The following LRRC7 variants were observed in gnomAD, a reference collection of about 807,000 sequenced individuals.
LRRC7 encodes the protein leucine-rich repeat-containing protein 7.
A neutral mutation model predicts 175.7 loss-of-function variants in LRRC7; 23 were observed. The ratio of observed to expected loss-of-function variants is 0.13; its 90% CI spans 0.09 to 0.19. The LOEUF (loss-of-function observed/expected upper bound fraction) is 0.19. LRRC7 is among the 10% of genes least tolerant of loss of function. LRRC7 has a pLI of 1.00. For synonymous variants in LRRC7, 685 were observed against 680.9 expected (o/e 1.01, Z -0.09); for missense variants, 1,354 against 1,904.7 (o/e 0.71, Z 5.38).
At chr1:69,904,916 G>A (rs533308471) in intron 7 of LRRC7, among the ~76,000 whole-genome samples, 1 of 152,228 alleles carries the variant, frequency 6.6e-6, no homozygotes, top group Non-Finnish European at 1.5e-5. Flanking sequence ...CTGAGAATAT[G>A]CGGTATTTGG....
chr1:69,916,530 T>C (rs553377072), intron 7 of LRRC7, among the ~76,000 whole-genome samples: 3 of 151,976 alleles, frequency 2.0e-5, no homozygotes, highest in African/African-American at 7.2e-5. Context: ...CGTATCCTCA[T>C]TATAGTATTC....
chr1:69,702,240 A>C (rs1269724790), intron 2 of LRRC7, among the ~76,000 whole-genome samples: 1 of 152,202 alleles, frequency 6.6e-6, no homozygotes, highest in Non-Finnish European at 1.5e-5. Context: ...TTTCACCTAT[A>C]GTATTTGACA....
Position 70,139,273 on chromosome 1 carries a change from A to G in LRRC7, c.*17386A>G, listed in dbSNP as rs1413793563. The G allele has an allele frequency of 6.6e-6, 1 of 152,214 alleles. No individual in the cohort carries two copies. Among genetic ancestry groups the G allele is most frequent in the Non-Finnish European group, 1.5e-5 (1 of 68,020 alleles). 9.4% of individuals were successfully genotyped at this position (152,214 alleles called of 1,614,324 possible). A position where few individuals can be genotyped will look rare whatever the true frequency, so the allele number is the denominator to read the frequency against. ...TCAGAATTAAGTACTCTTGGGATAA[A>G]GGAAATTAACGAGCTTTTGACATTT... is the stretch of plus-strand genomic sequence containing the variant. On this transcript the variant is annotated 3_prime_UTR_variant, in exon 27 of 27. Coordinates refer to ENST00000651989, the MANE Select transcript of LRRC7 (RefSeq NM_001370785.2).
rs1313818449 is a variant in LRRC7 at position 70,142,124 on chromosome 1, C to T, written c.*20237C>T. 2 of 152,030 alleles carry T rather than the reference C, an allele frequency of 1.3e-5. No homozygotes were observed. Among genetic ancestry groups the T allele is most frequent in the African/African-American group, 2.4e-5 (1 of 41,406 alleles). The allele number at this position is 152,030 out of a possible 1,614,324, so 9.4% of individuals were successfully genotyped here. On this transcript the variant is annotated 3_prime_UTR_variant, in exon 27 of 27. Coordinates refer to ENST00000651989, the MANE Select transcript of LRRC7 (RefSeq NM_001370785.2). ...CTCAGGCAGACAACATAAAGCAGCT[C>T]CCATATCTGCTAGAAAGGTCATTAA... is the stretch of plus-strand genomic sequence containing the variant.
intron 11 of LRRC7, among the ~76,000 whole-genome samples, chr1:70,003,370 C>T (rs2101932859): frequency 6.6e-6 from 1 of 152,314 alleles, no homozygotes; most frequent in African/African-American, 2.4e-5. Context: ...AAACTTACAA[C>T]ATCTACTCTT....
rs566341033 is a variant in LRRC7, at chr1:70,133,504, A to G, written c.*11617A>G. Among the ~76,000 whole-genome samples, 2 of 152,226 alleles carry G rather than the reference A, an allele frequency of 1.3e-5. No individual in the cohort carries two copies. The highest frequency in any genetic ancestry group is 2.1e-4 in the South Asian group (1 of 4,820). On this transcript the variant is annotated 3_prime_UTR_variant, in exon 27 of 27. Coordinates refer to ENST00000651989, the MANE Select transcript of LRRC7 (RefSeq NM_001370785.2). ...CCAAAGTGCTGGGATGGCCTTACACAGTCTGTTTTTATGCCCCTTGTGCTG... is the reference window on the plus strand; with the variant it reads ...CCAAAGTGCTGGGATGGCCTTACACGGTCTGTTTTTATGCCCCTTGTGCTG...
chr1:69,849,679 T>C (rs543642055), intron 7 of LRRC7, among the ~76,000 whole-genome samples: 2 of 152,116 alleles, frequency 1.3e-5, no homozygotes, highest in East Asian at 3.9e-4. Flanking sequence ...CAATAACATC[T>C]AAACCCCAAA....
rs1227876334 is a variant in LRRC7, at chr1:70,142,269, TG to T, written c.*20383del. The T allele has an allele frequency of 6.6e-6, 1 of 152,160 alleles. No homozygotes were observed. The highest frequency in any genetic ancestry group is 2.4e-5 in the African/African-American group (1 of 41,452). 9.4% of individuals were successfully genotyped at this position (152,160 alleles called of 1,614,324 possible). On this transcript the variant is annotated 3_prime_UTR_variant, in exon 27 of 27. Transcript: ENST00000651989. ...TCTGGTTCAGGTCAGTAAGGACTGT[TG>T]TATGTAAGTTTTACTCTAGAAAATT... is the stretch of plus-strand genomic sequence containing the variant.
intron 3 of LRRC7, among the ~76,000 whole-genome samples, chr1:69,765,092 T>C (rs1046460232): frequency 1.1e-4 from 16 of 152,194 alleles, no homozygotes; most frequent in African/African-American, 3.4e-4. Context: ...AACACATTTG[T>C]GATAATACCA....
At chr1:70,020,061 TTTTG>T (rs1397860699) in intron 15 of LRRC7, among the ~76,000 whole-genome samples, 2 of 151,986 alleles carry the variant, frequency 1.3e-5, no homozygotes, top group Non-Finnish European at 2.9e-5. Flanking sequence ...CTGAGTTTGC[TTTTG>T]TTTTTGTTTT....
chr1:70,106,605 C>T (rs1558073794), intron 25 of LRRC7, among the ~76,000 whole-genome samples: 3 of 152,120 alleles, frequency 2.0e-5, no homozygotes. Context: ...CTTTCAGTAG[C>T]ACCTGAAATT....
chr1:69,743,066 G>A (rs928389687), intron 2 of LRRC7, among the ~76,000 whole-genome samples: 5 of 152,010 alleles, frequency 3.3e-5, no homozygotes, highest in African/African-American at 9.7e-5. Flanking sequence ...GTAATGTCTA[G>A]TAAAGTATGA....
chr1:69,735,212 A>T (rs1196781914), intron 2 of LRRC7, among the ~76,000 whole-genome samples: 1 of 152,068 alleles, frequency 6.6e-6, no homozygotes, highest in African/African-American at 2.4e-5. Flanking sequence ...TATCTAATAT[A>T]TAATTCATAT....
chr1:70,064,639 TTTGTTGTTGTTG>T (rs60880306), intron 23 of LRRC7, among the ~76,000 whole-genome samples: 1 of 151,004 alleles, frequency 6.6e-6, no homozygotes, highest in Non-Finnish European at 1.5e-5. Flanking sequence ...TGCTTGGTAT[TTTGTTGTTGTTG>T]TTGTTGTTGT....
intron 7 of LRRC7, among the ~76,000 whole-genome samples, chr1:69,912,954 C>G (rs1412427455): frequency 6.6e-6 from 1 of 151,932 alleles, no homozygotes; most frequent in Non-Finnish European, 1.5e-5. Context: ...CTTCTTTGTA[C>G]AGAATCTTTT....
intron 5 of LRRC7, among the ~76,000 whole-genome samples, chr1:69,827,997 C>G (rs1222554511): frequency 6.6e-6 from 1 of 152,088 alleles, no homozygotes; most frequent in Non-Finnish European, 1.5e-5. Flanking sequence ...ATCCCCATTG[C>G]TTTGTCTTTT....
chr1:69,735,564 T>G (rs1298955679), intron 2 of LRRC7, among the ~76,000 whole-genome samples: 1 of 152,112 alleles, frequency 6.6e-6, no homozygotes, highest in Non-Finnish European at 1.5e-5. Flanking sequence ...GATGCTAAAC[T>G]CTTGCGTAGT....
At chr1:69,728,961 C>A (rs913020857) in intron 2 of LRRC7, among the ~76,000 whole-genome samples, 1 of 152,158 alleles carries the variant, frequency 6.6e-6, no homozygotes, top group Non-Finnish European at 1.5e-5. Flanking sequence ...AGAAAACTTA[C>A]AATCATGGCA....
chr1:69,817,765 A>G (rs1267288034), intron 4 of LRRC7, among the ~76,000 whole-genome samples: 3 of 152,120 alleles, frequency 2.0e-5, no homozygotes, highest in Admixed American at 2.0e-4. Flanking sequence ...CCGTGAATAC[A>G]TGATATCTTC....
Sources: gnomAD v4.1 joint callset for allele counts (sites outside exome capture counted in the v4.1 genomes callset) on GRCh38, gnomAD v4.1.1 for gene constraint, MANE v1.5 for transcripts, NCBI Gene and HGNC (gene_info 2026-07-23, HGNC 2026-07-21) for gene names.